FER: variants seen among roughly 807,000 people sequenced by gnomAD.
FER encodes the protein tyrosine-protein kinase Fer.
In FER, 63 loss-of-function variants were observed where a neutral mutation model predicts 111.0. The observed-to-expected ratio is 0.57, with a 90% CI of 0.46 to 0.70. FER has a LOEUF of 0.70. FER is among the 30% of genes least tolerant of loss of function. FER has a pLI of 0.00. For synonymous variants in FER, 327 were observed against 313.9 expected (o/e 1.04, Z -0.44); for missense variants, 914 against 954.0 (o/e 0.96, Z 0.55).
intron 18 of FER, among the ~76,000 whole-genome samples, chr5:109,183,415 AT>A (rs1172957047): frequency 6.6e-6 from 1 of 151,902 alleles, no homozygotes; most frequent in Non-Finnish European, 1.5e-5. Flanking sequence ...CGCCCAGCTA[AT>A]TTTTGTACTT....
At chr5:108,783,633 C>T (rs1440858926) in intron 2 of FER, among the ~76,000 whole-genome samples, 1 of 151,992 alleles carries the variant, frequency 6.6e-6, no homozygotes, top group Non-Finnish European at 1.5e-5. Context: ...AGGTCTTAGC[C>T]TATATTTTTG....
intron 2 of FER, among the ~76,000 whole-genome samples, chr5:108,792,240 G>T (rs1755461297): frequency 6.6e-6 from 1 of 152,188 alleles, no homozygotes; most frequent in South Asian, 2.1e-4. Flanking sequence ...TATTAATATG[G>T]ATTGTGTTAA....
At chr5:108,884,185 ATT>A (rs778321154) in intron 9 of FER, among the ~76,000 whole-genome samples, 1 of 151,954 alleles carries the variant, frequency 6.6e-6, no homozygotes, top group Non-Finnish European at 1.5e-5. Flanking sequence ...GACCTCACAT[ATT>A]TCTTGCTATT....
chr5:108,864,256 C>CA (rs1763811743), intron 5 of FER, among the ~76,000 whole-genome samples: 2 of 152,126 alleles, frequency 1.3e-5, no homozygotes, highest in Non-Finnish European at 2.9e-5. Flanking sequence ...ATAGTAGAGA[C>CA]ATACAAGTCT....
At chr5:108,910,288 A>T (rs944590148) in intron 10 of FER, among the ~76,000 whole-genome samples, 1 of 152,112 alleles carries the variant, frequency 6.6e-6, no homozygotes, top group Non-Finnish European at 1.5e-5. Flanking sequence ...CTTCCTTCGA[A>T]CCTGCTCTCT....
chr5:108,789,161 G>A (rs1327650586), intron 2 of FER, among the ~76,000 whole-genome samples: 2 of 152,198 alleles, frequency 1.3e-5, no homozygotes, highest in Non-Finnish European at 2.9e-5. Flanking sequence ...TGTGCAGCTA[G>A]TACCAACAAA....
chr5:108,849,181 TTTTA>T (rs1408217648), intron 5 of FER, among the ~76,000 whole-genome samples: 4 of 152,146 alleles, frequency 2.6e-5, no homozygotes, highest in African/African-American at 4.8e-5. Context: ...GTATTTGAGT[TTTTA>T]GTTTTCATCA....
At chr5:109,082,972 A>C (rs543750862) in intron 16 of FER, among the ~76,000 whole-genome samples, 21 of 151,948 alleles carry the variant, frequency 1.4e-4, no homozygotes, top group South Asian at 6.2e-4. Context: ...TGAACCCCCC[A>C]AAAAAAGAAA....
intron 13 of FER, among the ~76,000 whole-genome samples, chr5:108,968,469 T>C (rs943237226): frequency 1.3e-5 from 2 of 152,156 alleles, no homozygotes; most frequent in Non-Finnish European, 2.9e-5. Context: ...CTTACAAAAA[T>C]GGATGTGAGA....
chr5:108,760,164 T>G (rs1333312614), intron 1 of FER, among the ~76,000 whole-genome samples: 6 of 151,230 alleles, frequency 4.0e-5, no homozygotes, highest in Non-Finnish European at 8.8e-5. Context: ...TTCTGTTTTT[T>G]TTTTTTTTTT....
At chr5:108,766,639 C>G (rs941548266) in intron 1 of FER, among the ~76,000 whole-genome samples, 1 of 152,146 alleles carries the variant, frequency 6.6e-6, no homozygotes, top group Admixed American at 6.5e-5. Context: ...GAGAATATGC[C>G]TGACATACTG....
chr5:109,127,596 G>A (rs1056064034), intron 17 of FER, among the ~76,000 whole-genome samples: 1 of 151,804 alleles, frequency 6.6e-6, no homozygotes, highest in South Asian at 2.1e-4. Context: ...TATTAGAGAC[G>A]GGGTTTCACC....
intron 13 of FER, among the ~76,000 whole-genome samples, chr5:108,973,141 T>C (rs1331389396): frequency 2.0e-5 from 3 of 152,124 alleles, no homozygotes; most frequent in African/African-American, 4.8e-5. Context: ...TATTTGAAAA[T>C]TAAAGCCCTG....
chr5:109,071,769 G>A (rs566049792), intron 16 of FER, among the ~76,000 whole-genome samples: 7 of 151,878 alleles, frequency 4.6e-5, no homozygotes, highest in African/African-American at 1.7e-4. Flanking sequence ...ACATATAATT[G>A]ACAATCTGGA....
chr5:108,773,450 G>A (rs927139855), intron 2 of FER, among the ~76,000 whole-genome samples: 5 of 152,058 alleles, frequency 3.3e-5, no homozygotes, highest in Non-Finnish European at 7.4e-5. Flanking sequence ...TGTGGTATTT[G>A]GTTTTCTGTT....
At chr5:109,049,260 G>A (rs150598988) in intron 16 of FER, among the ~76,000 whole-genome samples, 5 of 152,280 alleles carry the variant, frequency 3.3e-5, no homozygotes, top group East Asian at 1.9e-4. Flanking sequence ...ACTGTGTTCC[G>A]TGCTCAGGGT....
rs1474276102 is a variant in FER, at chr5:109,192,851, G to C, written c.*5276G>C. 1 of 152,084 alleles carries C rather than the reference G, an allele frequency of 6.6e-6. No individual in the cohort carries two copies. Among genetic ancestry groups the C allele is most frequent in the Non-Finnish European group, 1.5e-5 (1 of 68,020 alleles). 9.4% of individuals were successfully genotyped at this position (152,084 alleles called of 1,614,324 possible). ...GAAATGGAAGAATACAAGTAGCAAT[G>C]TTCCTTGTCTTCAATAACATTTGAG... is the stretch of plus-strand genomic sequence containing the variant. On this transcript the variant is annotated 3_prime_UTR_variant, in exon 20 of 20. Transcript: ENST00000281092.
At chr5:109,043,453 C>G (rs781752162) in intron 14 of FER, among the ~76,000 whole-genome samples, 1 of 151,884 alleles carries the variant, frequency 6.6e-6, no homozygotes, top group Non-Finnish European at 1.5e-5. Flanking sequence ...TTTGAGTTGA[C>G]TATTAGATTA....
chr5:108,858,362 C>T (rs1471465036), intron 5 of FER, among the ~76,000 whole-genome samples: 1 of 152,144 alleles, frequency 6.6e-6, no homozygotes, highest in Non-Finnish European at 1.5e-5. Flanking sequence ...TTAAAGACTA[C>T]AGTTTGGTAT....
Sources: gnomAD v4.1 joint callset for allele counts (sites outside exome capture counted in the v4.1 genomes callset) on GRCh38, gnomAD v4.1.1 for gene constraint, MANE v1.5 for transcripts, NCBI Gene and HGNC (gene_info 2026-07-23, HGNC 2026-07-21) for gene names.